The following FBXW7 variants were observed in gnomAD, a reference collection of about 807,000 sequenced individuals.
The protein encoded by FBXW7 is F-box/WD repeat-containing protein 7.
FBXW7 carries 11 observed loss-of-function variants against 86.3 expected under a neutral mutation model. That is an observed-to-expected ratio of 0.13 (90% CI 0.08 to 0.21). The LOEUF is 0.21. Among genes scored for constraint, FBXW7 ranks in the 10% least tolerant of loss-of-function variants. The probability of loss-of-function intolerance (pLI) is 1.00; values close to 1 mark genes in which losing one functional copy is unlikely to be tolerated. For missense variants in FBXW7, 488 were observed against 847.4 expected (o/e 0.58, Z 5.27); for synonymous variants, 313 against 297.9 (o/e 1.05, Z -0.52).
intron 4 of FBXW7, among the ~76,000 whole-genome samples, chr4:152,362,727 C>T (rs1274509540): frequency 6.7e-6 from 1 of 148,972 alleles, no homozygotes; most frequent in Admixed American, 6.8e-5. Context: ...ACTTGGGAGG[C>T]TGAGGCAGAG....
rs1460087421 is a variant in FBXW7, at chr4:152,436,246, G to T, written c.-119-23717C>A. On this transcript the variant is annotated intron_variant, in intron 2 of 13. Coordinates refer to ENST00000281708, the MANE Select transcript of FBXW7 (RefSeq NM_001349798.2). ...GTGAAATAGCCTTATTGTTGATATGGAAAAAGTTTTGAGTGATCTGAATAA... is the reference window on the plus strand; with the variant it reads ...GTGAAATAGCCTTATTGTTGATATGTAAAAAGTTTTGAGTGATCTGAATAA... Among the ~76,000 whole-genome samples the T allele has an allele frequency of 3.9e-5, 6 of 152,260 alleles. No individual in the cohort carries two copies. The East Asian group carries it at 9.7e-4, about 24-fold the overall frequency.
chr4:152,526,217 AT>A (rs1019718358), intron 2 of FBXW7, among the ~76,000 whole-genome samples: 23 of 152,216 alleles, frequency 1.5e-4, no homozygotes, highest in African/African-American at 5.3e-4. Flanking sequence ...GTTTGCAAGT[AT>A]TTTCTTCCAA....
intron 11 of FBXW7, among the ~76,000 whole-genome samples, chr4:152,327,177 A>G (rs1305311242): frequency 6.6e-6 from 1 of 152,082 alleles, no homozygotes; most frequent in Non-Finnish European, 1.5e-5. Flanking sequence ...TGAGAACCTA[A>G]TGTTGAGAGA....
rs202091170 is a variant in FBXW7 at position 152,338,145 on chromosome 4, TA to T, written c.727-210del. The T allele has an allele frequency of 7.5e-4, 278 of 369,222 alleles. 1 individual carries two copies. Among genetic ancestry groups the T allele is most frequent in the South Asian group, 1.8e-3 (14 of 7,570 alleles). 22.9% of individuals were successfully genotyped at this position (369,222 alleles called of 1,614,324 possible). A position where few individuals can be genotyped will look rare whatever the true frequency, so the allele number is the denominator to read the frequency against. The stretch of plus-strand genomic sequence containing the variant: ...CAACAACTTTTATTTCGTAAAAGGT[TA>T]AAAAAAAACATGTTTGACAGAAAAA... On this transcript the variant is annotated intron_variant, in intron 6 of 13. Coordinates refer to ENST00000281708, the MANE Select transcript of FBXW7 (RefSeq NM_001349798.2).
chr4:152,335,316 A>G (rs1729962807), intron 7 of FBXW7, among the ~76,000 whole-genome samples: 1 of 151,156 alleles, frequency 6.6e-6, no homozygotes, highest in Non-Finnish European at 1.5e-5. Context: ...CCCCGCAAAA[A>G]AATTACCCAA....
intron 4 of FBXW7, among the ~76,000 whole-genome samples, chr4:152,395,631 TA>T (rs939209729): frequency 3.3e-5 from 5 of 152,200 alleles, no homozygotes; most frequent in African/African-American, 1.2e-4. Context: ...GGTCACTGGC[TA>T]AAGCACTTAA....
intron 2 of FBXW7, among the ~76,000 whole-genome samples, chr4:152,424,509 A>G (rs1739208647): frequency 6.6e-6 from 1 of 152,194 alleles, no homozygotes; most frequent in Non-Finnish European, 1.5e-5. Flanking sequence ...AAACCATCAT[A>G]TTCTTAGATC....
At chr4:152,354,327 G>A (rs922982445) in intron 4 of FBXW7, among the ~76,000 whole-genome samples, 1 of 151,840 alleles carries the variant, frequency 6.6e-6, no homozygotes, top group Non-Finnish European at 1.5e-5. Flanking sequence ...ATCTCACTTC[G>A]AAGGGAAGCA....
intron 4 of FBXW7, chr4:152,382,190 C>T (rs200475902): frequency 7.4e-5 from 114 of 1,546,108 alleles, no homozygotes; most frequent in Non-Finnish European, 9.7e-5. Context: ...GAGACTTACC[C>T]GTCTTCGACA....
chr4:152,385,122 T>C (rs1366220512), intron 4 of FBXW7, among the ~76,000 whole-genome samples: 2 of 152,036 alleles, frequency 1.3e-5, no homozygotes, highest in Non-Finnish European at 2.9e-5. Context: ...TCTGAGATTA[T>C]TTTCAAAAAA....
intron 2 of FBXW7, among the ~76,000 whole-genome samples, chr4:152,449,894 C>T (rs1489309021): frequency 6.6e-6 from 1 of 152,208 alleles, no homozygotes; most frequent in African/African-American, 2.4e-5. Context: ...CTTCAAATTA[C>T]TGTAACTTAA....
At chr4:152,380,856 C>T (rs576241966) in intron 4 of FBXW7, among the ~76,000 whole-genome samples, 13 of 151,774 alleles carry the variant, frequency 8.6e-5, no homozygotes, top group Non-Finnish European at 1.5e-4. Context: ...TTTTCTTTTA[C>T]AGGGGTATAA....
chr4:152,443,442 A>C (rs1350283461), intron 2 of FBXW7, among the ~76,000 whole-genome samples: 1 of 152,244 alleles, frequency 6.6e-6, no homozygotes, highest in Non-Finnish European at 1.5e-5. Flanking sequence ...TTTTAAAATA[A>C]ATACACAAAT....
In FBXW7 at chr4:152,535,263, G is replaced by GC; in HGVS notation, c.-350dup. On this transcript the variant is annotated 5_prime_UTR_variant, in exon 1 of 14. Coordinates refer to ENST00000281708, the MANE Select transcript of FBXW7 (RefSeq NM_001349798.2). ...TTCCTCTGGGTGGAGGCTGCGGCCGGCCCCCCGGGTCCCCCCCGGCCCCGC... is the reference window on the plus strand; with the variant it reads ...TTCCTCTGGGTGGAGGCTGCGGCCGGCCCCCCCGGGTCCCCCCCGGCCCCGC... 1.2e-5 allele frequency: 3 copies of GC among 255,738 alleles called. No homozygotes were observed. The highest frequency in any genetic ancestry group is 1.5e-5 in the Non-Finnish European group (2 of 134,966). The allele number at this position is 255,738 out of a possible 1,614,324, so 15.8% of individuals were successfully genotyped here. A position where few individuals can be genotyped will look rare whatever the true frequency, so the allele number is the denominator to read the frequency against.
intron 2 of FBXW7, chr4:152,451,659 C>A (rs563978884): frequency 6.6e-6 from 1 of 151,732 alleles, no homozygotes; most frequent in African/African-American, 2.4e-5. Context: ...GTGGCACTTG[C>A]CTGTAGTCCC....
intron 2 of FBXW7, among the ~76,000 whole-genome samples, chr4:152,456,193 CTT>C (rs1742392868): frequency 6.6e-6 from 1 of 151,824 alleles, no homozygotes; most frequent in Non-Finnish European, 1.5e-5. Context: ...AGAAAGAACT[CTT>C]ATAATTCAAT....
intron 2 of FBXW7, among the ~76,000 whole-genome samples, chr4:152,478,316 G>A (rs892215971): frequency 1.3e-5 from 2 of 151,980 alleles, no homozygotes; most frequent in Admixed American, 1.3e-4. Flanking sequence ...CATCTAAGTA[G>A]AATCATACAA....
intron 2 of FBXW7, among the ~76,000 whole-genome samples, chr4:152,456,360 TAAAAA>T (rs58250889): frequency 1.4e-5 from 1 of 72,122 alleles, no homozygotes; most frequent in South Asian, 6.2e-4. Flanking sequence ...AAAAAATCCT[TAAAAA>T]AAAAAAAAAA....
chr4:152,474,485 T>A (rs1389849531), intron 2 of FBXW7, among the ~76,000 whole-genome samples: 1 of 152,218 alleles, frequency 6.6e-6, no homozygotes, highest in Non-Finnish European at 1.5e-5. Flanking sequence ...TATGTGAACA[T>A]CAGATTTTGA....
Sources: gnomAD v4.1 joint callset for allele counts (sites outside exome capture counted in the v4.1 genomes callset) on GRCh38, gnomAD v4.1.1 for gene constraint, MANE v1.5 for transcripts, NCBI Gene and HGNC (gene_info 2026-07-23, HGNC 2026-07-21) for gene names.